ARB2A: variants seen among roughly 807,000 people sequenced by gnomAD.
ARB2A encodes cotranscriptional regulator ARB2A.
chr5:93,749,193 C>T, the ARB2A span, among the ~76,000 whole-genome samples: 3 of 152,086 alleles, frequency 2.0e-5, no homozygotes, highest in Admixed American at 6.6e-5. Context: ...TTTGATCATC[C>T]ATTCTTGTAA....
the ARB2A span, among the ~76,000 whole-genome samples, chr5:93,633,873 A>T: frequency 6.6e-6 from 1 of 151,914 alleles, no homozygotes. Context: ...GGGTGCAATC[A>T]TGGCTCACTG....
chr5:93,642,300 C>G, the ARB2A span, among the ~76,000 whole-genome samples: 1 of 151,774 alleles, frequency 6.6e-6, no homozygotes, highest in African/African-American at 2.4e-5. Flanking sequence ...CTCCTGCGCC[C>G]AAGTTCAAGT....
chr5:94,068,038 G>A, the ARB2A span, among the ~76,000 whole-genome samples: 1 of 152,194 alleles, frequency 6.6e-6, no homozygotes, highest in African/African-American at 2.4e-5. Context: ...AGGCCGAAGT[G>A]TGCGGATCAC....
At chr5:93,900,466 C>G in the ARB2A span, among the ~76,000 whole-genome samples, 104 of 152,010 alleles carry the variant, frequency 6.8e-4, no homozygotes, top group Non-Finnish European at 1.1e-3. Context: ...CAAAAATTAG[C>G]CAGGCTTGGT....
chr5:93,851,075 A>C, the ARB2A span, among the ~76,000 whole-genome samples: 1 of 152,170 alleles, frequency 6.6e-6, no homozygotes, highest in African/African-American at 2.4e-5. Flanking sequence ...TCATTTTGTC[A>C]GATGGACCCA....
the ARB2A span, among the ~76,000 whole-genome samples, chr5:93,919,553 A>G: frequency 1.3e-5 from 2 of 152,170 alleles, no homozygotes; most frequent in Non-Finnish European, 2.9e-5. Flanking sequence ...AACATATCTT[A>G]GGCAATTGTG....
At chr5:94,049,923 T>C in the ARB2A span, among the ~76,000 whole-genome samples, 5,382 of 152,256 alleles carry the variant, frequency 0.035, 141 homozygotes, top group South Asian at 0.068. Context: ...GAAGTATAAG[T>C]TTGTGTAAAA....
chr5:93,858,091 A>G, the ARB2A span, among the ~76,000 whole-genome samples: 2 of 152,228 alleles, frequency 1.3e-5, no homozygotes, highest in Non-Finnish European at 2.9e-5. Context: ...CAGAGGAAAC[A>G]AGGTACAAAC....
chr5:94,080,967 G>A, the ARB2A span, among the ~76,000 whole-genome samples: 1 of 152,132 alleles, frequency 6.6e-6, no homozygotes, highest in Admixed American at 6.6e-5. Context: ...GAGACCAGAT[G>A]TATCCAGAAT....
the ARB2A span, among the ~76,000 whole-genome samples, chr5:93,801,272 T>C: frequency 6.6e-6 from 1 of 152,116 alleles, no homozygotes; most frequent in Non-Finnish European, 1.5e-5. Flanking sequence ...GATACTCTAT[T>C]TATTTGTGAG....
chr5:93,723,079 T>C, the ARB2A span, among the ~76,000 whole-genome samples: 2 of 152,098 alleles, frequency 1.3e-5, no homozygotes, highest in Non-Finnish European at 2.9e-5. Flanking sequence ...TGACAAGAGC[T>C]TTCAAATGAA....
the ARB2A span, among the ~76,000 whole-genome samples, chr5:93,684,142 A>G: frequency 6.6e-6 from 1 of 152,184 alleles, no homozygotes; most frequent in Non-Finnish European, 1.5e-5. Flanking sequence ...CATAGCAGAC[A>G]CTTGATACAT....
At chr5:93,978,227 T>C in the ARB2A span, among the ~76,000 whole-genome samples, 1 of 152,122 alleles carries the variant, frequency 6.6e-6, no homozygotes, top group African/African-American at 2.4e-5. Flanking sequence ...GAACTAAAAA[T>C]GGACTTAGCA....
chr5:93,874,763 C>G, the ARB2A span, among the ~76,000 whole-genome samples: 1 of 152,050 alleles, frequency 6.6e-6, no homozygotes, highest in East Asian at 1.9e-4. Flanking sequence ...ACTCTTTAGG[C>G]AGATAATGTT....
chr5:93,697,399 A>G, the ARB2A span, among the ~76,000 whole-genome samples: 1 of 152,120 alleles, frequency 6.6e-6, no homozygotes, highest in African/African-American at 2.4e-5. Flanking sequence ...CTTTCTTATT[A>G]ACTCATTTTA....
At chr5:93,760,767 A>C in the ARB2A span, among the ~76,000 whole-genome samples, 22 of 152,344 alleles carry the variant, frequency 1.4e-4, no homozygotes, top group Admixed American at 1.1e-3. Flanking sequence ...TGGATTAAGG[A>C]CTTAAACTTA....
chr5:93,792,468 C>T, the ARB2A span, among the ~76,000 whole-genome samples: 1 of 152,032 alleles, frequency 6.6e-6, no homozygotes, highest in Non-Finnish European at 1.5e-5. Context: ...GGCATGATTT[C>T]TGACCTCTGG....
At chr5:93,945,540 AAC>A in the ARB2A span, among the ~76,000 whole-genome samples, 1 of 152,204 alleles carries the variant, frequency 6.6e-6, no homozygotes, top group Non-Finnish European at 1.5e-5. Context: ...GATTTTAAAA[AAC>A]AGATCCATTT....
the ARB2A span, chr5:93,740,964 G>A: frequency 5.6e-6 from 9 of 1,613,904 alleles, no homozygotes; most frequent in East Asian, 2.0e-4. Flanking sequence ...TCTCCATTTT[G>A]CATAAGCCCA....
Sources: allele counts gnomAD v4.1 joint callset (sites outside exome capture counted in the v4.1 genomes callset), GRCh38; gene constraint gnomAD v4.1.1; transcripts MANE v1.5; gene names NCBI Gene and HGNC (gene_info 2026-07-23, HGNC 2026-07-21).